Variants in MUC5B observed in about 807,000 individuals in gnomAD.
MUC5B encodes mucin 5B, oligomeric mucus/gel-forming, also known as mucin-5B.
MUC5B carries 116 observed loss-of-function variants against 376.9 expected under a neutral mutation model. The observed-to-expected ratio is 0.31, with a 90% CI of 0.26 to 0.36. The LOEUF is 0.36. Ranked by LOEUF, MUC5B falls within the 10% of genes least tolerant of loss-of-function variation. MUC5B has a pLI of 1.00. For missense variants in MUC5B, 7,165 were observed against 7,769.9 expected, an observed-to-expected ratio of 0.92 and a Z score of 2.93; for synonymous variants, 3,517 against 3,390.9, an observed-to-expected ratio of 1.04 and a Z score of -1.29.
At position 1,241,388 on chromosome 11, in the gene MUC5B, G is replaced by A. The variant is rs766481725; in HGVS notation, c.4508G>A (p.Cys1503Tyr). 1 of 1,613,574 alleles carries A rather than the reference G, an allele frequency of 6.2e-7. No individual in the cohort carries two copies. The highest frequency in any genetic ancestry group is 1.1e-5 in the South Asian group (1 of 91,042). The change falls in exon 31 of 49, where the codon TGC (cysteine) becomes TAC (tyrosine). Residue 1503 changes from cysteine (C) to tyrosine (Y), a missense_variant. Around this residue, in one of 31 missense-constraint regions of MUC5B, gnomAD observed 517 missense variants for 545.3 expected, o/e 0.95. Transcript: ENST00000529681. The stretch of plus-strand genomic sequence containing the variant: ...CCCTCGGCCCCAGGTACCACCACCT[G>A]CCAGCCCCGGTGTCAGTGGACAGAG... ...VTPSAPGTTT[C>Y]QPRCQWTEWF... is the part of the protein sequence containing the mutation.
At chr11:1,259,891 C>A (rs1862952275) in intron 45 of MUC5B, 49 bp downstream of exon 45, 1 of 1,611,922 alleles carries the variant, frequency 6.2e-7, no homozygotes, top group Non-Finnish European at 8.5e-7. Context: ...TCCCTGGAGA[C>A]CCTCACCCCC....
At chr11:1,254,917 C>T (rs1310820710) in intron 35 of MUC5B, 37 bp downstream of exon 35, 1 of 1,585,606 alleles carries the variant, frequency 6.3e-7, no homozygotes, top group Admixed American at 1.7e-5. Context: ...GCCAGGGCTG[C>T]TGCTGGGCCT....
In MUC5B at chr11:1,241,904, C is replaced by A. The variant is rs758528992; in HGVS notation, c.5024C>A (p.Thr1675Lys). 2 of 1,610,822 alleles carry A rather than the reference C, an allele frequency of 1.2e-6. No homozygotes were observed. The highest frequency in any genetic ancestry group is 8.5e-7 in the Non-Finnish European group (1 of 1,178,726). Residue 1675 changes from threonine to lysine, a missense_variant, in exon 31 of 49, where the codon ACG becomes AAG. By Grantham distance (78) the Thr-to-Lys change is moderately conservative (BLOSUM62 -1). Transcript: ENST00000529681. ...TLGTATTGGPTTPAGSTEPTV... is the reference protein window; with the variant it reads ...TLGTATTGGPKTPAGSTEPTV... Reference sequence around the variant, plus strand: ...GGTACAGCCACCACGGGAGGCCCCACGACGCCTGCAGGCTCCACAGAACCC... The same window carrying A: ...GGTACAGCCACCACGGGAGGCCCCAAGACGCCTGCAGGCTCCACAGAACCC...
chr11:1,239,408 C>A lies in MUC5B; in HGVS notation c.3455-30C>A, dbSNP rs1862228229. The A allele has an allele frequency of 1.9e-6, 3 of 1,588,706 alleles. No individual in the cohort carries two copies. In the South Asian group the frequency reaches 3.4e-5, roughly 18 times the overall value. ...CAACAGGGGTGAGGGCTGGTGGGCG[C>A]CTCCTTAGCCTCTGCCCTCTGTGCC... On this transcript the variant is annotated intron_variant, in intron 26 of 48. Coordinates refer to ENST00000529681, the MANE Select transcript of MUC5B (RefSeq NM_002458.3).
Position 1,233,863 on chromosome 11 carries a change from TG to T in MUC5B, c.2377+16del. On this transcript the variant is annotated intron_variant, in intron 19 of 48. Transcript: ENST00000529681. ...GAAAAGCACAGGTAAGTGCCACCCC[TG>T]CCCTGCCCTGCCCTGCCCCGCCCCG... The T allele has an allele frequency of 2.0e-6, 1 of 495,776 alleles. No individual in the cohort carries two copies. Among genetic ancestry groups the T allele is most frequent in the Non-Finnish European group, 2.7e-6 (1 of 370,432 alleles). The allele number at this position is 495,776 out of a possible 1,614,324, so 30.7% of individuals were successfully genotyped here.
rs1195303677 is a variant in MUC5B, at chr11:1,229,754, C to T, written c.1167C>T (p.His389=). The T allele has an allele frequency of 1.7e-5, 27 of 1,601,170 alleles. No homozygotes were observed. Among genetic ancestry groups the T allele is most frequent in the South Asian group, 4.5e-5 (4 of 89,144 alleles). ...CCCTCGGGCAGTGCCCCTGCACCCA[C>T]GGCGGCCGCACCTACAGCCCGGGCA... ...CLPLGQCPCT[H]GGRTYSPGTS... Residue 389 remains histidine (H), a synonymous_variant, in exon 10 of 49, where the codon CAC becomes CAT. Coordinates refer to ENST00000529681, the MANE Select transcript of MUC5B (RefSeq NM_002458.3).
Position 1,249,467 on chromosome 11 carries a change from A to G in MUC5B, c.12587A>G (p.Asp4196Gly). The change falls in exon 31 of 49, where the codon GAC becomes GGC. Residue 4196 changes from aspartate (D) to glycine (G), a missense_variant. Asp to Gly is a moderately conservative substitution (Grantham distance 94, BLOSUM62 -1). Coordinates refer to ENST00000529681, the MANE Select transcript of MUC5B (RefSeq NM_002458.3). The part of the protein sequence containing the change: ...ELGQVVECSL[D>G]FGLVCRNREQ... ...GGCCAGGTCGTGGAATGCAGCCTGGACTTTGGCCTGGTCTGCAGGAACCGT... is the reference window on the plus strand; with the variant it reads ...GGCCAGGTCGTGGAATGCAGCCTGGGCTTTGGCCTGGTCTGCAGGAACCGT... 1 of 1,611,392 alleles carries G rather than the reference A, an allele frequency of 6.2e-7. No homozygotes were observed. Among genetic ancestry groups the G allele is most frequent in the Non-Finnish European group, 8.5e-7 (1 of 1,179,634 alleles).
chr11:1,249,679 G>A lies in MUC5B; in HGVS notation c.12799G>A (p.Ala4267Thr), dbSNP rs779865131. Reference protein sequence around the residue: ...ATTTASTGSTATPSSTPGTAP... With the variant: ...ATTTASTGSTTTPSSTPGTAP... ...TACGACTGCATCCACTGGATCCACGGCCACCCCGTCCTCCACCCCGGGAAC... is the reference window on the plus strand; with the variant it reads ...TACGACTGCATCCACTGGATCCACGACCACCCCGTCCTCCACCCCGGGAAC... The change falls in exon 31 of 49, where the codon GCC becomes ACC. Residue 4267 changes from alanine (A) to threonine (T), a missense_variant. Physicochemically the swap from Ala to Thr is moderately conservative, Grantham distance 58 (BLOSUM62 0). Coordinates refer to ENST00000529681, the MANE Select transcript of MUC5B (RefSeq NM_002458.3). 25 of 1,609,714 alleles carry A rather than the reference G, an allele frequency of 1.6e-5. No homozygotes were observed. In the South Asian group the frequency reaches 2.1e-4, roughly 13 times the overall value.
At chr11:1,239,685 T>G in intron 27 of MUC5B, 114 bp from the exon 28 acceptor site, 1 of 1,492,178 alleles carries the variant, frequency 6.7e-7, no homozygotes, top group Non-Finnish European at 8.9e-7. Flanking sequence ...ATGCAAGCCT[T>G]GAGGGCAGGC....
At position 1,233,179 on chromosome 11, in the gene MUC5B, C is replaced by A. The variant is rs776024150; in HGVS notation, c.2232C>A (p.Gly744=). The change falls in exon 18 of 49, where the codon GGC becomes GGA. Residue 744 remains glycine, a synonymous_variant. Coordinates refer to ENST00000529681, the MANE Select transcript of MUC5B (RefSeq NM_002458.3). ...CGGGCACCTTCCTCAATGACGCGGG[C>A]GCCTGTGTGCCCGCCCAGGAGTGCC... is the stretch of plus-strand genomic sequence containing the variant. ...CPAGTFLNDA[G]ACVPAQECPC... 6.2e-7 allele frequency: 1 copy of A among 1,604,316 alleles called. No individual in the cohort carries two copies. The highest frequency in any genetic ancestry group is 8.5e-7 in the Non-Finnish European group (1 of 1,178,610).
Position 1,239,927 on chromosome 11 carries a change from G to A in MUC5B, c.3712G>A (p.Glu1238Lys), listed in dbSNP as rs202037270. 2.2e-5 allele frequency: 36 copies of A among 1,613,276 alleles called. No homozygotes were observed. The South Asian group carries it at 3.2e-4, about 14-fold the overall frequency. The stretch of plus-strand genomic sequence containing the variant: ...CGTCGGTGCAAGGGTCCCCACAGCG[G>A]AGAACTGCCAGAGCTGGTGAGGGGG... Reference protein sequence around the residue: ...YDVGARVPTAENCQSCNCTPS... With the variant: ...YDVGARVPTAKNCQSCNCTPS... Residue 1238 changes from glutamate to lysine, a missense_variant, in exon 28 of 49, where the codon GAG (glutamate) becomes AAG (lysine). Physicochemically the swap from Glu to Lys is moderately conservative, Grantham distance 56. This residue lies in a region of MUC5B where 517 missense variants were observed against 545.3 expected (regional missense o/e 0.95). Transcript: ENST00000529681.
Position 1,245,895 on chromosome 11 carries a change from C to A in MUC5B, c.9015C>A (p.Thr3005=). ...CCACAGCAGCCACTACGACCGCAAC[C>A]ACTGGATCCACGGCCATCCCGTCCT... is the stretch of plus-strand genomic sequence containing the variant. ...EQTTAATTTA[T]TGSTAIPSST... Residue 3005 remains threonine (T), a synonymous_variant, in exon 31 of 49, where the codon ACC becomes ACA. Transcript: ENST00000529681. The A allele has an allele frequency of 6.2e-7, 1 of 1,613,332 alleles. No homozygotes were observed. Among genetic ancestry groups the A allele is most frequent in the South Asian group, 1.1e-5 (1 of 91,066 alleles).
At position 1,244,557 on chromosome 11, in the gene MUC5B, G is replaced by T; in HGVS notation, c.7677G>T (p.Thr2559=). ...GCCTATCACAGACCACCACACCCAC[G>T]GCCACCATGTCCACAGCCACACCCT... ...WTRLSQTTTP[T]ATMSTATPSS... The change falls in exon 31 of 49, where the codon ACG becomes ACT. Residue 2559 remains threonine, a synonymous_variant. Transcript: ENST00000529681. The T allele has an allele frequency of 6.2e-7, 1 of 1,610,946 alleles. No individual in the cohort carries two copies. The highest frequency in any genetic ancestry group is 8.5e-7 in the Non-Finnish European group (1 of 1,179,066).
chr11:1,241,790 C>T lies in MUC5B; in HGVS notation c.4910C>T (p.Pro1637Leu), dbSNP rs776605835. 16 of 1,612,010 alleles carry T rather than the reference C, an allele frequency of 9.9e-6. No homozygotes were observed. Among genetic ancestry groups the T allele is most frequent in the East Asian group, 2.2e-5 (1 of 44,784 alleles). ...TCAACGCCGCAGCCTACGAGTAGCC[C>T]GGGGCTGACCAGGGCTCCCCCGGCC... ...LFSTPQPTSS[P>L]GLTRAPPAST... Residue 1637 changes from proline (P) to leucine (L), a missense_variant, in exon 31 of 49, where the codon CCG becomes CTG. Transcript: ENST00000529681.
Position 1,259,849 on chromosome 11 carries a change from G to C in MUC5B, c.16800+7G>C. 1.2e-6 allele frequency: 2 copies of C among 1,612,506 alleles called. No homozygotes were observed. Among genetic ancestry groups the C allele is most frequent in the Non-Finnish European group, 1.7e-6 (2 of 1,179,678 alleles). The stretch of plus-strand genomic sequence containing the variant: ...CGATGGCCAGCCAGTCCAGGTAACA[G>C]CAGAGGCATGTGGGGGCAGGTCTCA... On this transcript the variant is annotated splice_region_variant and intron_variant, in intron 45 of 48. Coordinates refer to ENST00000529681, the MANE Select transcript of MUC5B (RefSeq NM_002458.3).
Position 1,233,219 on chromosome 11 carries a change from G to A in MUC5B, c.2272G>A (p.Gly758Ser), listed in dbSNP as rs370567274. The change falls in exon 18 of 49, where the codon GGC (glycine) becomes AGC (serine). Residue 758 changes from glycine (G) to serine (S), a missense_variant. Physicochemically the swap from Gly to Ser is moderately conservative, Grantham distance 56. This residue lies in a region of MUC5B where 530 missense variants were observed against 604.0 expected (regional missense o/e 0.88). Transcript: ENST00000529681. ...PAQECPCYAH[G>S]TVLAPGEVVH... The stretch of plus-strand genomic sequence containing the variant: ...CCAGGAGTGCCCCTGCTACGCTCAC[G>A]GCACCGTGCTGGCTCCTGGAGAGGT... 1.9e-6 allele frequency: 3 copies of A among 1,597,766 alleles called. No individual in the cohort carries two copies. The highest frequency in any genetic ancestry group is 1.1e-5 in the South Asian group (1 of 89,454).
intron 12 of MUC5B, 70 bp downstream of exon 12, chr11:1,230,670 G>A (rs1033189615): frequency 2.2e-5 from 31 of 1,386,100 alleles, no homozygotes; most frequent in East Asian, 1.5e-4. Flanking sequence ...GAGCAAGCAC[G>A]GTCAGGTCCC....
Position 1,235,361 on chromosome 11 carries a change from C to T in MUC5B, c.2828C>T (p.Pro943Leu), listed in dbSNP as rs1862133562. Residue 943 changes from proline (P) to leucine (L), a missense_variant, in exon 23 of 49, where the codon CCC becomes CTC. Pro to Leu is a moderately conservative substitution (Grantham distance 98, BLOSUM62 -3). This residue lies in a region of MUC5B where 530 missense variants were observed against 604.0 expected (regional missense o/e 0.88). Transcript: ENST00000529681. ...TTCCGCATCGTCACCGAGAACATCC[C>T]CTGTGGGACCACCGGCACCACCTGC... ...GTFRIVTENI[P>L]CGTTGTTCSK... The T allele has an allele frequency of 6.2e-7, 1 of 1,612,822 alleles. No individual in the cohort carries two copies. The highest frequency in any genetic ancestry group is 2.2e-5 in the East Asian group (1 of 44,872).
At position 1,241,179 on chromosome 11, in the gene MUC5B, C is replaced by A; in HGVS notation, c.4299C>A (p.Gly1433=). 6.3e-7 allele frequency: 1 copy of A among 1,597,166 alleles called. No individual in the cohort carries two copies. Among genetic ancestry groups the A allele is most frequent in the African/African-American group, 1.3e-5 (1 of 74,606 alleles). ...TCTGCTGCGAATACGTGCCCTGTGGCCCCTCCCCGGCCCCAGGCACCAGCC... is the reference window on the plus strand; with the variant it reads ...TCTGCTGCGAATACGTGCCCTGTGGACCCTCCCCGGCCCCAGGCACCAGCC... The part of the protein sequence containing the change: ...RVLCCEYVPC[G]PSPAPGTSPQ... Residue 1433 remains glycine, a synonymous_variant, in exon 31 of 49, where the codon GGC becomes GGA. Transcript: ENST00000529681.
Sources: allele counts gnomAD v4.1 joint callset, GRCh38; gene constraint gnomAD v4.1.1; regional missense constraint gnomAD v4.1.1; transcripts MANE v1.5; gene names NCBI Gene and HGNC (gene_info 2026-07-23, HGNC 2026-07-21).